SPTBN1: variants seen among roughly 807,000 people sequenced by gnomAD.
The protein encoded by SPTBN1 is spectrin beta chain, non-erythrocytic 1.
Under a neutral mutation model 266.4 loss-of-function variants are expected in SPTBN1, and 32 were observed. The observed-to-expected ratio is 0.12, with a 90% CI of 0.09 to 0.16. The LOEUF (loss-of-function observed/expected upper bound fraction) is 0.16, where lower values mean the gene tolerates loss of function less well. Ranked by LOEUF, SPTBN1 falls within the 10% of genes least tolerant of loss-of-function variation. SPTBN1 has a pLI of 1.00. For missense variants in SPTBN1, 2,296 were observed against 3,067.1 expected (o/e 0.75, Z 5.94); for synonymous variants, 1,336 against 1,162.2 (o/e 1.15, Z -3.04).
At chr2:54,507,972 G>A (rs556085256) in intron 1 of SPTBN1, among the ~76,000 whole-genome samples, 3 of 152,138 alleles carry the variant, frequency 2.0e-5, no homozygotes, top group South Asian at 2.1e-4. Flanking sequence ...GCATAAGAAC[G>A]GGAATGAGAA....
intron 29 of SPTBN1, 55 bp downstream of exon 29, chr2:54,656,053 G>A (rs192317167): frequency 3.1e-5 from 45 of 1,455,526 alleles, no homozygotes; most frequent in Admixed American, 9.0e-5. Context: ...AAACATGCAC[G>A]TTTATTTTCT....
chr2:54,637,668 C>A, intron 17 of SPTBN1, 45 bp from the exon 18 acceptor site: 2 of 1,447,904 alleles, frequency 1.4e-6, no homozygotes, highest in African/African-American at 1.4e-5. Context: ...TTTCAAGATT[C>A]TCTACTTCCT....
In SPTBN1 at chr2:54,465,556, G is replaced by A. The variant is rs536012240; in HGVS notation, c.-48+9038G>A. Among the ~76,000 whole-genome samples the A allele has an allele frequency of 3.3e-5, 5 of 149,648 alleles. No individual in the cohort carries two copies. The South Asian group carries it at 6.3e-4, about 19-fold the overall frequency. On this transcript the variant is annotated intron_variant, in intron 1 of 35. Transcript: ENST00000356805. ...AGAGGAACTAATTTTAATATTCTTCGTTTTTTGTATGAAAAGAAATTCCTG... is the reference window on the plus strand; with the variant it reads ...AGAGGAACTAATTTTAATATTCTTCATTTTTTGTATGAAAAGAAATTCCTG...
Position 54,655,293 on chromosome 2 carries a change from ACT to A in SPTBN1, c.5961+86_5961+87del, listed in dbSNP as rs1680576707. 5 of 1,527,954 alleles carry A rather than the reference ACT, an allele frequency of 3.3e-6. No individual in the cohort carries two copies. The South Asian group carries it at 6.2e-5, about 19-fold the overall frequency. The allele number at this position is 1,527,954 out of a possible 1,614,324, so 94.6% of individuals were successfully genotyped here. ...TTATATGTTTGTGTGTGTCAGAGATACTGTGTTTACATTCTTATACACACACA... is the reference window on the plus strand; with the variant it reads ...TTATATGTTTGTGTGTGTCAGAGATAGTGTTTACATTCTTATACACACACA... On this transcript the variant is annotated intron_variant, in intron 28 of 35. Coordinates refer to ENST00000356805, the MANE Select transcript of SPTBN1 (RefSeq NM_003128.3).
At chr2:54,614,493 A>G in intron 4 of SPTBN1, among the ~76,000 whole-genome samples, 1 of 152,228 alleles carries the variant, frequency 6.6e-6, no homozygotes. Flanking sequence ...AGATTTTATG[A>G]TGCTGCCCCT....
intron 1 of SPTBN1, among the ~76,000 whole-genome samples, chr2:54,458,104 A>G (rs1436868067): frequency 1.3e-5 from 2 of 152,220 alleles, no homozygotes; most frequent in Admixed American, 6.5e-5. Context: ...TTCTACGTGA[A>G]AAGTTGGTGT....
chr2:54,514,266 ATCTATT>A (rs1327498113), intron 1 of SPTBN1, among the ~76,000 whole-genome samples: 1 of 152,210 alleles, frequency 6.6e-6, no homozygotes, highest in Non-Finnish European at 1.5e-5. Context: ...TGGTGATGAG[ATCTATT>A]TGGCAGAATG....
intron 34 of SPTBN1, among the ~76,000 whole-genome samples, chr2:54,667,287 G>A (rs889049567): frequency 1.3e-5 from 2 of 152,216 alleles, no homozygotes; most frequent in South Asian, 4.1e-4. Context: ...GTTTAGACCA[G>A]TAAGTGATCA....
intron 2 of SPTBN1, among the ~76,000 whole-genome samples, chr2:54,575,400 A>G (rs1348446475): frequency 6.6e-6 from 1 of 152,258 alleles, no homozygotes; most frequent in Non-Finnish European, 1.5e-5. Flanking sequence ...CATTAAAAAG[A>G]TAACAGTCTG....
At chr2:54,630,808 G>C in intron 15 of SPTBN1, 47 bp from the exon 16 acceptor site, 2 of 1,520,372 alleles carry the variant, frequency 1.3e-6, no homozygotes, top group Non-Finnish European at 1.8e-6. Context: ...TCCAGCCATG[G>C]TCAGTCTTCC....
chr2:54,523,419 G>A (rs1670604646), intron 1 of SPTBN1, among the ~76,000 whole-genome samples: 1 of 152,202 alleles, frequency 6.6e-6, no homozygotes, highest in African/African-American at 2.4e-5. Context: ...CAGTGGTAAA[G>A]TGGATTCAGT....
chr2:54,661,264 T>G, intron 32 of SPTBN1: 1 of 985,912 alleles, frequency 1.0e-6, no homozygotes, highest in Non-Finnish European at 1.2e-6. Flanking sequence ...GTGACAGAGA[T>G]GGTTTCCTTG....
chr2:54,598,858 T>C (rs551948614), intron 2 of SPTBN1, among the ~76,000 whole-genome samples: 3 of 152,306 alleles, frequency 2.0e-5, no homozygotes, highest in South Asian at 4.1e-4. Flanking sequence ...CCTTGACTTA[T>C]GAGATTATAT....
At chr2:54,570,682 G>C (rs919469771) in intron 2 of SPTBN1, among the ~76,000 whole-genome samples, 1 of 152,166 alleles carries the variant, frequency 6.6e-6, no homozygotes, top group African/African-American at 2.4e-5. Flanking sequence ...TGGAATTGGC[G>C]TGCCAACAGT....
At chr2:54,601,522 A>G (rs1462374909) in intron 3 of SPTBN1, among the ~76,000 whole-genome samples, 1 of 152,182 alleles carries the variant, frequency 6.6e-6, no homozygotes, top group African/African-American at 2.4e-5. Flanking sequence ...AGATTCCAGA[A>G]CTAATGAGGT....
chr2:54,533,555 T>C lies in SPTBN1; in HGVS notation c.148+6989T>C, dbSNP rs371804700. ...AGTGCCTGGAAGTTAGTATAGGCAA[T>C]GATTGCTGTAGTAAGATGGAGTTTC... On this transcript the variant is annotated intron_variant, in intron 2 of 35. Coordinates refer to ENST00000356805, the MANE Select transcript of SPTBN1 (RefSeq NM_003128.3). The surrounding 1 kb of genome is among the most constrained non-coding windows in gnomAD (Gnocchi z 4.2). 6.6e-6 allele frequency among the ~76,000 whole-genome samples: 1 copy of C among 152,130 alleles called. No individual in the cohort carries two copies. Among genetic ancestry groups the C allele is most frequent in the African/African-American group, 2.4e-5 (1 of 41,444 alleles).
At chr2:54,560,913 G>C (rs1016669643) in intron 2 of SPTBN1, among the ~76,000 whole-genome samples, 5 of 152,144 alleles carry the variant, frequency 3.3e-5, no homozygotes, top group South Asian at 2.1e-4. Flanking sequence ...GGAGAATTTT[G>C]ATTAAACACA....
At chr2:54,592,052 A>G (rs1033445453) in intron 2 of SPTBN1, among the ~76,000 whole-genome samples, 4 of 152,118 alleles carry the variant, frequency 2.6e-5, no homozygotes, top group African/African-American at 9.7e-5. Flanking sequence ...CTGTAATCCT[A>G]GTTACTCTGG....
At chr2:54,663,037 C>G (rs1292402606) in intron 32 of SPTBN1, 2 of 152,230 alleles carry the variant, frequency 1.3e-5, no homozygotes, top group African/African-American at 4.8e-5. Context: ...ATAGACATAA[C>G]TTAAACTTGT....
Sources: gnomAD v4.1 joint callset for allele counts (sites outside exome capture counted in the v4.1 genomes callset) on GRCh38, gnomAD v4.1.1 for gene constraint, Gnocchi (gnomAD v3.1) non-coding constraint, MANE v1.5 for transcripts, NCBI Gene and HGNC (gene_info 2026-07-23, HGNC 2026-07-21) for gene names.